The following TAFA1 variants were observed in gnomAD, a reference collection of about 807,000 sequenced individuals.
TAFA1 encodes the protein TAFA chemokine like family member 1, also known as chemokine-like protein TAFA-1.
In TAFA1, 4 loss-of-function variants were observed where a neutral mutation model predicts 18.5. The ratio of observed to expected loss-of-function variants is 0.22; its 90% CI spans 0.11 to 0.49. The LOEUF is 0.49. TAFA1 is among the 20% of genes least tolerant of loss of function. The pLI, the probability that TAFA1 is intolerant of heterozygous loss-of-function variation, is 0.98. For missense variants in TAFA1, 147 were observed against 169.0 expected (o/e 0.87, Z 0.72); for synonymous variants, 56 against 55.2 (o/e 1.01, Z -0.06).
intron 3 of TAFA1, among the ~76,000 whole-genome samples, chr3:68,421,836 T>A (rs879278797): frequency 5.3e-5 from 8 of 152,132 alleles, no homozygotes; most frequent in Non-Finnish European, 7.4e-5. Flanking sequence ...AAACTTTTTT[T>A]ATGAGTTTTG....
chr3:68,359,300 C>T lies in TAFA1; in HGVS notation c.119-57980C>T, dbSNP rs190591623. On this transcript the variant is annotated intron_variant, in intron 2 of 4. Coordinates refer to ENST00000478136, the MANE Select transcript of TAFA1 (RefSeq NM_213609.4). ...ACTGTGATAGGCAGAATAATGATCCCGCCAATGATACCCCCACAATCCCTA... is the reference window on the plus strand; with the variant it reads ...ACTGTGATAGGCAGAATAATGATCCTGCCAATGATACCCCCACAATCCCTA... Among the ~76,000 whole-genome samples, 200 of 152,056 alleles carry T rather than the reference C, an allele frequency of 1.3e-3. 1 individual carries two copies. The highest frequency in any genetic ancestry group is 4.5e-3 in the African/African-American group (186 of 41,502).
intron 2 of TAFA1, among the ~76,000 whole-genome samples, chr3:68,267,731 C>T (rs944740867): frequency 6.6e-6 from 1 of 151,802 alleles, no homozygotes; most frequent in Non-Finnish European, 1.5e-5. Flanking sequence ...TGGATCTATG[C>T]ATGTTTTAAC....
At chr3:68,016,463 G>A (rs1390288568) in intron 2 of TAFA1, among the ~76,000 whole-genome samples, 1 of 152,200 alleles carries the variant, frequency 6.6e-6, no homozygotes, top group South Asian at 2.1e-4. Flanking sequence ...TCATCACTTA[G>A]GTACTAGAGT....
the TAFA1 span, among the ~76,000 whole-genome samples, chr3:67,995,591 A>G: frequency 6.6e-6 from 1 of 152,150 alleles, no homozygotes; most frequent in Admixed American, 6.6e-5. Flanking sequence ...GAGATACCAC[A>G]TGTTCTCCAT....
intron 2 of TAFA1, among the ~76,000 whole-genome samples, chr3:68,102,202 A>G (rs888428290): frequency 3.9e-5 from 6 of 152,154 alleles, no homozygotes; most frequent in Non-Finnish European, 7.3e-5. Context: ...AGAAACGTCA[A>G]TGTTGGCCTA....
intron 2 of TAFA1, among the ~76,000 whole-genome samples, chr3:68,333,624 C>T (rs936212795): frequency 2.0e-5 from 3 of 152,114 alleles, no homozygotes; most frequent in Admixed American, 1.3e-4. Flanking sequence ...CCTAAAATAA[C>T]AGTTTTTTAA....
intron 2 of TAFA1, among the ~76,000 whole-genome samples, chr3:68,341,461 A>T (rs2069081836): frequency 6.6e-6 from 1 of 152,120 alleles, no homozygotes; most frequent in Non-Finnish European, 1.5e-5. Context: ...CCCACGAGCA[A>T]TTTGGGGAGG....
intron 2 of TAFA1, among the ~76,000 whole-genome samples, chr3:68,290,836 G>T (rs2068091608): frequency 6.6e-6 from 1 of 151,438 alleles, no homozygotes; most frequent in African/African-American, 2.4e-5. Context: ...GAAATTACTT[G>T]TTATCAACTG....
At chr3:68,069,842 T>C (rs1171710680) in intron 2 of TAFA1, among the ~76,000 whole-genome samples, 1 of 152,190 alleles carries the variant, frequency 6.6e-6, no homozygotes, top group Admixed American at 6.5e-5. Flanking sequence ...AGCTCCAAAA[T>C]GATCTCCTTT....
At chr3:68,349,761 A>G (rs2069231902) in intron 2 of TAFA1, among the ~76,000 whole-genome samples, 1 of 152,092 alleles carries the variant, frequency 6.6e-6, no homozygotes, top group Admixed American at 6.6e-5. Flanking sequence ...AAAAGCAAGC[A>G]GGGGATCAGG....
At chr3:68,362,066 A>G (rs1037084409) in intron 2 of TAFA1, among the ~76,000 whole-genome samples, 10 of 152,286 alleles carry the variant, frequency 6.6e-5, no homozygotes, top group African/African-American at 2.2e-4. Flanking sequence ...CTTTCAATGG[A>G]GAATCAAGCA....
chr3:68,366,496 A>G (rs1173339564), intron 2 of TAFA1, among the ~76,000 whole-genome samples: 1 of 152,206 alleles, frequency 6.6e-6, no homozygotes, highest in Non-Finnish European at 1.5e-5. Flanking sequence ...ATTCTTCTTA[A>G]GCATATATGT....
At chr3:68,307,826 C>T (rs922690493) in intron 2 of TAFA1, among the ~76,000 whole-genome samples, 6 of 152,070 alleles carry the variant, frequency 3.9e-5, no homozygotes, top group African/African-American at 1.4e-4. Context: ...AGAAGGTGAG[C>T]TGAGGTCAGG....
intron 3 of TAFA1, among the ~76,000 whole-genome samples, chr3:68,479,435 C>G (rs1419950565): frequency 6.6e-6 from 1 of 151,948 alleles, no homozygotes; most frequent in East Asian, 1.9e-4. Flanking sequence ...GTCCTAAATG[C>G]AAGACTTCCA....
chr3:68,374,059 A>T (rs1195464744), intron 2 of TAFA1, among the ~76,000 whole-genome samples: 1 of 152,184 alleles, frequency 6.6e-6, no homozygotes, highest in Non-Finnish European at 1.5e-5. Context: ...AGACTCAGAA[A>T]TAGACCAAAG....
intron 2 of TAFA1, among the ~76,000 whole-genome samples, chr3:68,240,818 G>A (rs896319510): frequency 2.6e-5 from 4 of 152,112 alleles, no homozygotes; most frequent in African/African-American, 9.7e-5. Flanking sequence ...TTACTGATTT[G>A]TACTGTCAGG....
intron 3 of TAFA1, among the ~76,000 whole-genome samples, chr3:68,443,744 G>A (rs2071427655): frequency 6.6e-6 from 1 of 152,044 alleles, no homozygotes; most frequent in Non-Finnish European, 1.5e-5. Context: ...TGGGAATTGT[G>A]GGAGTTACAT....
At chr3:68,331,752 G>C (rs959660281) in intron 2 of TAFA1, among the ~76,000 whole-genome samples, 5 of 150,314 alleles carry the variant, frequency 3.3e-5, no homozygotes, top group African/African-American at 7.3e-5. Flanking sequence ...CAGACCAATG[G>C]AACAGAACAG....
chr3:68,296,357 C>T (rs564329102), intron 2 of TAFA1, among the ~76,000 whole-genome samples: 1 of 152,256 alleles, frequency 6.6e-6, no homozygotes, highest in East Asian at 1.9e-4. Flanking sequence ...GAATTGTTCC[C>T]AAGAGCCCCT....
Sources: gnomAD v4.1 joint callset for allele counts (sites outside exome capture counted in the v4.1 genomes callset) on GRCh38, gnomAD v4.1.1 for gene constraint, MANE v1.5 for transcripts, NCBI Gene and HGNC (gene_info 2026-07-23, HGNC 2026-07-21) for gene names.